ATP2B2: variants seen among roughly 807,000 people sequenced by gnomAD.
ATP2B2 encodes ATPase plasma membrane Ca2+ transporting 2.
A neutral mutation model predicts 120.0 loss-of-function variants in ATP2B2; 15 were observed. That is an observed-to-expected ratio of 0.12 (90% CI 0.08 to 0.19). The LOEUF (loss-of-function observed/expected upper bound fraction) is 0.19, where lower values mean the gene tolerates loss of function less well. Ranked by LOEUF, ATP2B2 falls within the 10% of genes least tolerant of loss-of-function variation. ATP2B2 has a pLI of 1.00. For missense variants in ATP2B2, 1,045 were observed against 1,719.8 expected, an observed-to-expected ratio of 0.61 and a Z score of 6.94; for synonymous variants, 694 against 700.3, an observed-to-expected ratio of 0.99 and a Z score of 0.14.
intron 2 of ATP2B2, among the ~76,000 whole-genome samples, chr3:10,419,082 C>A (rs898863180): frequency 2.6e-5 from 4 of 152,242 alleles, no homozygotes; most frequent in African/African-American, 9.6e-5. Context: ...CTCAGAGCCA[C>A]AGTGTTCACC....
chr3:10,581,447 G>A (rs896718334), intron 2 of ATP2B2, among the ~76,000 whole-genome samples: 2 of 152,206 alleles, frequency 1.3e-5, no homozygotes, highest in Non-Finnish European at 2.9e-5. Flanking sequence ...ACTGGGGCAA[G>A]GCAGGGGCAC....
At chr3:10,400,822 G>A in intron 5 of ATP2B2, 131 bp downstream of exon 5, 1 of 1,405,984 alleles carries the variant, frequency 7.1e-7, no homozygotes, top group African/African-American at 1.4e-5. Context: ...TTCTCACTTG[G>A]GGCTGAGCTG....
intron 1 of ATP2B2, among the ~76,000 whole-genome samples, chr3:10,502,575 A>T (rs6795253): frequency 0.54 from 82,132 of 152,128 alleles, 23,365 homozygotes; most frequent in African/African-American, 0.72. Flanking sequence ...TGGCTGGGCC[A>T]CAGTTTCCTT....
chr3:10,626,865 G>GACACACAC (rs36206226), intron 1 of ATP2B2: 8 of 142,878 alleles, frequency 5.6e-5, no homozygotes, highest in African/African-American at 2.1e-4. Context: ...CTGGTAGTGA[G>GACACACAC]ACACACACAC....
intron 2 of ATP2B2, among the ~76,000 whole-genome samples, chr3:10,593,632 A>G (rs2068695388): frequency 6.6e-6 from 1 of 152,208 alleles, no homozygotes; most frequent in Non-Finnish European, 1.5e-5. Flanking sequence ...CCTAGGCAAT[A>G]CCATTCAGGA....
At chr3:10,630,526 T>A (rs1250982177) in intron 1 of ATP2B2, among the ~76,000 whole-genome samples, 1 of 152,250 alleles carries the variant, frequency 6.6e-6, no homozygotes, top group East Asian at 1.9e-4. Context: ...GGCTTCATAG[T>A]ATTCCATGGT....
chr3:10,395,709 T>C (rs977851661), intron 5 of ATP2B2, among the ~76,000 whole-genome samples: 3 of 152,344 alleles, frequency 2.0e-5, no homozygotes, highest in East Asian at 3.9e-4. Flanking sequence ...GCTTGACCCA[T>C]AGGGACCTTA....
At chr3:10,621,382 A>G (rs1404999039) in intron 1 of ATP2B2, among the ~76,000 whole-genome samples, 2 of 152,218 alleles carry the variant, frequency 1.3e-5, no homozygotes, top group Admixed American at 1.3e-4. Context: ...TCCCCGCCCC[A>G]AATCTTTTCT....
In ATP2B2 at chr3:10,373,293, C is replaced by T. The variant is rs543086985; in HGVS notation, c.1417-1242G>A. ...AGTGACCTGACCAGGATCACACACCCGGAGGGGTTTAAAGCTGGGATTTGA... is the reference window on the plus strand; with the variant it reads ...AGTGACCTGACCAGGATCACACACCTGGAGGGGTTTAAAGCTGGGATTTGA... On this transcript the variant is annotated intron_variant, in intron 11 of 22. Coordinates refer to ENST00000360273, the MANE Select transcript of ATP2B2 (RefSeq NM_001001331.4). Among the ~76,000 whole-genome samples, 7 of 152,324 alleles carry T rather than the reference C, an allele frequency of 4.6e-5. No individual in the cohort carries two copies. The South Asian group carries it at 8.3e-4, about 18-fold the overall frequency.
intron 1 of ATP2B2, among the ~76,000 whole-genome samples, chr3:10,623,615 C>T (rs1048171113): frequency 1.3e-5 from 2 of 152,208 alleles, no homozygotes; most frequent in African/African-American, 2.4e-5. Flanking sequence ...TCTCCTTGGG[C>T]GGAAGGCCTG....
rs142335469 is a variant in ATP2B2 at position 10,671,881 on chromosome 3, T to C, written c.-460+36034A>G. Among the ~76,000 whole-genome samples the C allele has an allele frequency of 1.6e-4, 24 of 152,206 alleles. No individual in the cohort carries two copies. The East Asian group carries it at 4.3e-3, about 27-fold the overall frequency. On this transcript the variant is annotated intron_variant, in intron 1 of 21. Coordinates refer to the ATP2B2 transcript ENST00000646379. ...AGTCTGTACCCCGTAGGAAAGCACA[T>C]CTCCTTAAAATCACCATGATGCCAT...
In ATP2B2 at chr3:10,366,460, C is replaced by T. The variant is rs546992920; in HGVS notation, c.1659+5349G>A. Among the ~76,000 whole-genome samples, 68 of 152,306 alleles carry T rather than the reference C, an allele frequency of 4.5e-4. 1 individual carries two copies. Among genetic ancestry groups the T allele is most frequent in the South Asian group, 4.1e-4 (2 of 4,830 alleles). On this transcript the variant is annotated intron_variant, in intron 12 of 22. Transcript: ENST00000360273. ...AGGGGGAATCCTTCCTTCAGAACCA[C>T]TTCGGGGGCTCCAGGGAGATTTGTT...
chr3:10,558,692 C>T (rs2067833974), intron 2 of ATP2B2, among the ~76,000 whole-genome samples: 1 of 152,156 alleles, frequency 6.6e-6, no homozygotes, highest in South Asian at 2.1e-4. Flanking sequence ...GTGCTTAACC[C>T]AGTTTGAGAT....
At chr3:10,459,008 T>G (rs1417308156) in intron 1 of ATP2B2, among the ~76,000 whole-genome samples, 1 of 152,242 alleles carries the variant, frequency 6.6e-6, no homozygotes, top group Admixed American at 6.5e-5. Context: ...TCCTTGCTTC[T>G]TGGGTCATGC....
At chr3:10,455,194 T>C (rs2064207762) in intron 1 of ATP2B2, among the ~76,000 whole-genome samples, 1 of 152,190 alleles carries the variant, frequency 6.6e-6, no homozygotes, top group Non-Finnish European at 1.5e-5. Context: ...TTAAGAGTTT[T>C]CTGGGGGGTC....
At chr3:10,365,365 G>C (rs953242280) in intron 12 of ATP2B2, among the ~76,000 whole-genome samples, 22 of 152,222 alleles carry the variant, frequency 1.4e-4, no homozygotes. Flanking sequence ...CAGGTGGCAC[G>C]AAATTTTGGC....
intron 1 of ATP2B2, among the ~76,000 whole-genome samples, chr3:10,646,233 T>C (rs1416886876): frequency 2.0e-5 from 3 of 152,202 alleles, no homozygotes; most frequent in African/African-American, 7.2e-5. Context: ...GTGGTTTCTG[T>C]CCTTCTCACG....
intron 3 of ATP2B2, among the ~76,000 whole-genome samples, chr3:10,405,209 A>G (rs1575135619): frequency 1.3e-5 from 2 of 152,200 alleles, no homozygotes; most frequent in South Asian, 4.1e-4. Context: ...TCCCCTTTTC[A>G]TGAGCTTTTT....
rs375014179 is a variant in ATP2B2 at position 10,546,904 on chromosome 3, G to A, written c.-414-12771C>T. ...TGCTGTCCCATCCTCCAGACCCTCC[G>A]CTGCCATCAGTGAGCACTGAGCATC... On this transcript the variant is annotated intron_variant, in intron 2 of 21. Transcript: ENST00000646379. Among the ~76,000 whole-genome samples, 22 of 152,304 alleles carry A rather than the reference G, an allele frequency of 1.4e-4. 1 individual carries two copies. In the South Asian group the frequency reaches 2.7e-3, roughly 19 times the overall value.
Sources: gnomAD v4.1 joint callset for allele counts (sites outside exome capture counted in the v4.1 genomes callset) on GRCh38, gnomAD v4.1.1 for gene constraint, MANE v1.5 for transcripts, NCBI Gene and HGNC (gene_info 2026-07-23, HGNC 2026-07-21) for gene names.